Variants in NMBR observed in about 807,000 individuals in gnomAD.
NMBR encodes the protein neuromedin B receptor.
NMBR carries 16 observed loss-of-function variants against 20.5 expected under a neutral mutation model. That is an observed-to-expected ratio of 0.78 (90% confidence interval 0.53 to 1.19). The LOEUF (loss-of-function observed/expected upper bound fraction) is 1.19. NMBR is among the 50% of genes most tolerant of loss of function. NMBR has a pLI of 0.00. For missense variants in NMBR, 582 were observed against 499.1 expected, an observed-to-expected ratio of 1.17 and a Z score of -1.58; for synonymous variants, 212 against 196.6, an observed-to-expected ratio of 1.08 and a Z score of -0.65.
intron 1 of NMBR, among the ~76,000 whole-genome samples, chr6:142,099,595 G>T (rs148229438): frequency 6.6e-6 from 1 of 152,048 alleles, no homozygotes; most frequent in Admixed American, 6.6e-5. Flanking sequence ...TTGGAGATGG[G>T]ATTTTGCTGG....
intron 1 of NMBR, among the ~76,000 whole-genome samples, chr6:142,093,141 A>T (rs1777362714): frequency 6.6e-6 from 1 of 151,936 alleles, no homozygotes; most frequent in Admixed American, 6.6e-5. Context: ...AACAAAACTT[A>T]AGAATTTTTT....
intron 1 of NMBR, among the ~76,000 whole-genome samples, chr6:142,121,030 CA>C (rs1382725082): frequency 6.6e-6 from 1 of 151,930 alleles, no homozygotes; most frequent in African/African-American, 2.4e-5. Flanking sequence ...GTCTCTGTAT[CA>C]CATTTTGGGA....
intron 1 of NMBR, among the ~76,000 whole-genome samples, chr6:142,127,727 T>C (rs1426585213): frequency 1.3e-5 from 2 of 152,000 alleles, no homozygotes; most frequent in Non-Finnish European, 2.9e-5. Flanking sequence ...TCCTGAGTAT[T>C]TTTTTCTTTT....
At position 142,077,922 on chromosome 6, in the gene NMBR, A is replaced by C. The variant is rs574728678; in HGVS notation, c.771+633T>G. ...ATTAGTACTGCATATTCTTGAAGGA[A>C]GAAAAAGTACATAAGGTGCATGATG... On this transcript the variant is annotated intron_variant, in intron 3 of 3. Transcript: ENST00000258042. Among the ~76,000 whole-genome samples, 536 of 152,374 alleles carry C rather than the reference A, an allele frequency of 3.5e-3. 2 individuals are homozygous for C. The highest frequency in any genetic ancestry group is 5.5e-3 in the Non-Finnish European group (371 of 68,036).
intron 1 of NMBR, among the ~76,000 whole-genome samples, chr6:142,125,521 T>TACATGTGCATACATATACACATA (rs1554215499): frequency 2.8e-5 from 2 of 70,506 alleles, no homozygotes; most frequent in African/African-American, 4.7e-5. Context: ...ACATACACAA[T>TACATGTGCATACATATACACATA]TACTCATGCT....
chr6:142,135,750 G>GT (rs1778243256), intron 1 of NMBR, among the ~76,000 whole-genome samples: 1 of 151,396 alleles, frequency 6.6e-6, no homozygotes, highest in Non-Finnish European at 1.5e-5. Context: ...GCGGTGTTTG[G>GT]TTTTTTGTCC....
At chr6:142,134,689 A>G (rs753262591) in intron 1 of NMBR, 14 of 695,984 alleles carry the variant, frequency 2.0e-5, no homozygotes, top group South Asian at 2.0e-4. Flanking sequence ...TCTAGCGGCA[A>G]TAGCATTCTG....
intron 1 of NMBR, among the ~76,000 whole-genome samples, chr6:142,092,369 CAG>C (rs1165274727): frequency 2.6e-5 from 4 of 152,118 alleles, no homozygotes; most frequent in Admixed American, 1.3e-4. Flanking sequence ...AAGAATAAAA[CAG>C]AGTCTCTATG....
chr6:142,082,295 G>A (rs941032930), intron 2 of NMBR, among the ~76,000 whole-genome samples: 6 of 152,176 alleles, frequency 3.9e-5, no homozygotes, highest in Admixed American at 2.6e-4. Context: ...GCCTGGCCTG[G>A]CCAGTAGAGT....
chr6:142,112,506 G>C (rs967824444), intron 1 of NMBR, among the ~76,000 whole-genome samples: 1 of 152,144 alleles, frequency 6.6e-6, no homozygotes, highest in Non-Finnish European at 1.5e-5. Flanking sequence ...CAAATAATTT[G>C]ATGTGGCATC....
intron 1 of NMBR, among the ~76,000 whole-genome samples, chr6:142,145,292 T>C (rs1349043148): frequency 2.0e-5 from 3 of 152,106 alleles, no homozygotes; most frequent in African/African-American, 4.8e-5. Context: ...GGAACATTTG[T>C]TTCTCAGACA....
intron 1 of NMBR, among the ~76,000 whole-genome samples, chr6:142,110,403 A>G (rs1246388429): frequency 6.6e-6 from 1 of 152,230 alleles, no homozygotes; most frequent in African/African-American, 2.4e-5. Flanking sequence ...AAAAAGAATC[A>G]ATAAGCAATA....
chr6:142,088,645 G>C lies in NMBR; in HGVS notation c.14C>G (p.Ser5Cys), dbSNP rs755839763. Reference protein sequence around the residue: MPSKSLSNLSVTTGA... With the variant: MPSKCLSNLSVTTGA... ...GGTGGTCACCGAGAGGTTGGAAAGA[G>C]ACTTAGAGGGCATGATCTCCTTTCC... The change falls in exon 2 of 4, where the codon TCT (serine) becomes TGT (cysteine). Residue 5 changes from serine to cysteine, a missense_variant. Ser to Cys is a moderately radical substitution (Grantham distance 112). Coordinates refer to ENST00000258042, the MANE Select transcript of NMBR (RefSeq NM_002511.4). The C allele has an allele frequency of 1.2e-6, 2 of 1,601,176 alleles. No homozygotes were observed. Among genetic ancestry groups the C allele is most frequent in the African/African-American group, 1.3e-5 (1 of 74,804 alleles).
At chr6:142,136,750 G>A (rs1057369741) in intron 1 of NMBR, among the ~76,000 whole-genome samples, 4 of 152,164 alleles carry the variant, frequency 2.6e-5, no homozygotes, top group African/African-American at 9.7e-5. Flanking sequence ...TATTAAATAG[G>A]GAATCCTTTC....
chr6:142,108,461 C>T (rs1056821999), intron 1 of NMBR, among the ~76,000 whole-genome samples: 20 of 152,300 alleles, frequency 1.3e-4, no homozygotes, highest in African/African-American at 4.8e-4. Context: ...CACAGTTGTG[C>T]ATGGCTAGGG....
intron 1 of NMBR, among the ~76,000 whole-genome samples, chr6:142,110,975 C>A (rs9496278): frequency 0.035 from 5,381 of 152,194 alleles, 314 homozygotes; most frequent in African/African-American, 0.12. Flanking sequence ...TGCGGTGGCT[C>A]ACACCTGTAA....
rs543039237 is a variant in NMBR, at chr6:142,088,279, A to G, written c.380T>C (p.Val127Ala). The G allele has an allele frequency of 1.2e-5, 20 of 1,613,714 alleles. No homozygotes were observed. The Admixed American group carries it at 2.0e-4, about 16-fold the overall frequency. Residue 127 changes from valine to alanine, a missense_variant, in exon 2 of 4, where the codon GTG (valine) becomes GCG (alanine). By Grantham distance (64) the Val-to-Ala change is moderately conservative. Coordinates refer to ENST00000258042, the MANE Select transcript of NMBR (RefSeq NM_002511.4). ...KLIPVIQLTS[V>A]GVSVFTLTAL... ...AGTGAGAGTGAACACGGAAACCCCC[A>G]CGGAAGTGAGCTGGATGACAGGGAT...
intron 2 of NMBR, among the ~76,000 whole-genome samples, chr6:142,079,147 G>GAAAGAAAGAAAGAAAGAAA (rs879683798): frequency 1.2e-5 from 1 of 86,784 alleles, no homozygotes. Flanking sequence ...GAAAGAAAAA[G>GAAAGAAAGAAAGAAAGAAA]AAGAGAGGAG....
At position 142,099,402 on chromosome 6, in the gene NMBR, G is replaced by A. The variant is rs74393184; in HGVS notation, c.-663-10081C>T. Among the ~76,000 whole-genome samples the A allele has an allele frequency of 6.6e-3, 1,009 of 152,280 alleles. 14 individuals carry two copies. The highest frequency in any genetic ancestry group is 0.023 in the African/African-American group (943 of 41,564). ...AATCATGTCATAAGGAGAAGGCAAG[G>A]CAAAGACCTTCTTCACATGGTGGCC... On this transcript the variant is annotated intron_variant, in intron 1 of 3. Transcript: ENST00000258042.
Sources: gnomAD v4.1 joint callset for allele counts (sites outside exome capture counted in the v4.1 genomes callset) on GRCh38, gnomAD v4.1.1 for gene constraint, MANE v1.5 for transcripts, NCBI Gene and HGNC (gene_info 2026-07-23, HGNC 2026-07-21) for gene names.